MEGF9: variants seen among roughly 807,000 people sequenced by gnomAD.
The protein encoded by MEGF9 is multiple EGF like domains 9, also known as multiple epidermal growth factor-like domains protein 9.
In MEGF9, 6 loss-of-function variants were observed where a neutral mutation model predicts 46.8. The observed-to-expected ratio is 0.13, with a 90% CI of 0.07 to 0.25. The LOEUF is 0.25. Among genes scored for constraint, MEGF9 ranks in the 10% least tolerant of loss-of-function variants. MEGF9 has a pLI of 1.00. For missense variants in MEGF9, 683 were observed against 792.4 expected, an observed-to-expected ratio of 0.86 and a Z score of 1.66; for synonymous variants, 302 against 330.7, an observed-to-expected ratio of 0.91 and a Z score of 0.94.
chr9:120,694,592 A>G (rs1051119248), intron 1 of MEGF9, among the ~76,000 whole-genome samples: 7 of 152,226 alleles, frequency 4.6e-5, no homozygotes, highest in Non-Finnish European at 5.9e-5. Context: ...TTTTTTAAAC[A>G]TAAGTACAAG....
Position 120,713,925 on chromosome 9 carries a change from G to C in MEGF9, c.434C>G (p.Pro145Arg), listed in dbSNP as rs756145316. The C allele has an allele frequency of 1.5e-6, 2 of 1,353,914 alleles. No individual in the cohort carries two copies. The highest frequency in any genetic ancestry group is 9.5e-7 in the Non-Finnish European group (1 of 1,047,842). 83.9% of individuals were successfully genotyped at this position (1,353,914 alleles called of 1,614,324 possible). Residue 145 changes from proline (P) to arginine (R), a missense_variant, in exon 1 of 6, where the codon CCG becomes CGG. By Grantham distance (103) the Pro-to-Arg change is moderately radical. Transcript: ENST00000373930. ...GCCAGTGGTCGTCGAAAGGGTGGTC[G>C]GCGCGGGTCTGGTCGGCGCCTGAGA... ...TTSQAPTRPA[P>R]TTLSTTTGPA...
chr9:120,627,514 G>GT (rs1384070980), intron 2 of MEGF9, among the ~76,000 whole-genome samples: 1 of 152,004 alleles, frequency 6.6e-6, no homozygotes, highest in East Asian at 1.9e-4. Flanking sequence ...GGTTGGAGTG[G>GT]TGCAGTGGCA....
chr9:120,668,367 G>C (rs1010401967), intron 1 of MEGF9, among the ~76,000 whole-genome samples: 1 of 152,162 alleles, frequency 6.6e-6, no homozygotes, highest in African/African-American at 2.4e-5. Context: ...GAGATGTGTA[G>C]TATTAAAGCC....
chr9:120,685,056 G>A (rs886705318), intron 1 of MEGF9, among the ~76,000 whole-genome samples: 16 of 152,084 alleles, frequency 1.1e-4, no homozygotes, highest in Non-Finnish European at 1.5e-4. Context: ...GGATGGTCTC[G>A]ATCTCCTGAC....
chr9:120,635,239 A>T (rs2043568925), intron 2 of MEGF9, among the ~76,000 whole-genome samples: 2 of 152,166 alleles, frequency 1.3e-5, no homozygotes, highest in South Asian at 4.1e-4. Context: ...TGTTGTGTTT[A>T]GAATTCTCTC....
intron 1 of MEGF9, among the ~76,000 whole-genome samples, chr9:120,689,416 C>T (rs77534569): frequency 0.038 from 5,850 of 152,038 alleles, 377 homozygotes; most frequent in African/African-American, 0.13. Context: ...AACTGGATAG[C>T]CATGGAAGAA....
At chr9:120,705,944 T>C (rs1318038146) in intron 1 of MEGF9, among the ~76,000 whole-genome samples, 1 of 151,912 alleles carries the variant, frequency 6.6e-6, no homozygotes, top group Non-Finnish European at 1.5e-5. Flanking sequence ...AAAATCAAGA[T>C]AAAGGAAAAA....
chr9:120,635,247 C>G (rs779463437), intron 2 of MEGF9, among the ~76,000 whole-genome samples: 1 of 152,132 alleles, frequency 6.6e-6, no homozygotes, highest in Non-Finnish European at 1.5e-5. Context: ...TTAGAATTCT[C>G]TCTTTGTATA....
chr9:120,714,424 A>AACCGCC lies in MEGF9; in HGVS notation c.-72_-67dup. 8.3e-7 allele frequency: 1 copy of AACCGCC among 1,207,544 alleles called. No individual in the cohort carries two copies. Among genetic ancestry groups the AACCGCC allele is most frequent in the Non-Finnish European group, 1.0e-6 (1 of 958,656 alleles). 74.8% of individuals were successfully genotyped at this position (1,207,544 alleles called of 1,614,324 possible). ...GCAATCCGACCAAGGAAGCCTCCGC[A>AACCGCC]ACCGCCGCCGCCACCGCCACCGGGC... On this transcript the variant is annotated 5_prime_UTR_variant, in exon 1 of 6. Coordinates refer to ENST00000373930, the MANE Select transcript of MEGF9 (RefSeq NM_001080497.3).
chr9:120,693,366 CAGAA>C (rs1268346415), intron 1 of MEGF9, among the ~76,000 whole-genome samples: 1 of 146,576 alleles, frequency 6.8e-6, no homozygotes, highest in Non-Finnish European at 1.5e-5. Context: ...AATAAGGAAA[CAGAA>C]AGCAACAGCA....
chr9:120,622,784 A>G, intron 2 of MEGF9, 29 bp from the exon 3 acceptor site: 2 of 1,609,698 alleles, frequency 1.2e-6, no homozygotes, highest in Non-Finnish European at 1.7e-6. Context: ...ACAATGAATA[A>G]AAGTAAATCA....
intron 1 of MEGF9, among the ~76,000 whole-genome samples, chr9:120,674,551 C>T (rs569605093): frequency 6.6e-6 from 1 of 152,064 alleles, no homozygotes; most frequent in South Asian, 2.1e-4. Context: ...AATAATTTGA[C>T]AGTTTCTTTC....
intron 1 of MEGF9, among the ~76,000 whole-genome samples, chr9:120,692,672 T>C (rs1246039391): frequency 6.6e-6 from 1 of 152,164 alleles, no homozygotes; most frequent in Non-Finnish European, 1.5e-5. Context: ...TCCACCTTCA[T>C]GTACCTTTTC....
intron 2 of MEGF9, among the ~76,000 whole-genome samples, chr9:120,625,625 G>A (rs1239794955): frequency 1.3e-5 from 2 of 151,984 alleles, no homozygotes; most frequent in African/African-American, 4.8e-5. Flanking sequence ...CACGAGGGCA[G>A]GAGTTCGAGA....
chr9:120,708,556 T>C (rs1029450354), intron 1 of MEGF9, among the ~76,000 whole-genome samples: 1 of 152,252 alleles, frequency 6.6e-6, no homozygotes, highest in Admixed American at 6.5e-5. Flanking sequence ...CCTTGAATCA[T>C]GCAGACCAAA....
intron 5 of MEGF9, among the ~76,000 whole-genome samples, chr9:120,606,368 AT>A (rs1322476424): frequency 1.3e-5 from 2 of 152,210 alleles, no homozygotes; most frequent in Non-Finnish European, 2.9e-5. Flanking sequence ...GTCTGATGGC[AT>A]TTCATAAAGG....
At position 120,607,908 on chromosome 9, in the gene MEGF9, C is replaced by T; in HGVS notation, c.1190G>A (p.Cys397Tyr). ...ENGYYNFDSI[C>Y]RKCQCHGHVD... The stretch of plus-strand genomic sequence containing the variant: ...ATGGCCGTGACATTGGCACTTTCTA[C>T]AGATGCTGTCAAAATTGTAATAGCC... Residue 397 changes from cysteine (C) to tyrosine (Y), a missense_variant, in exon 5 of 6, where the codon TGT becomes TAT. Coordinates refer to ENST00000373930, the MANE Select transcript of MEGF9 (RefSeq NM_001080497.3). The T allele has an allele frequency of 6.2e-7, 1 of 1,614,028 alleles. No individual in the cohort carries two copies. The highest frequency in any genetic ancestry group is 8.5e-7 in the Non-Finnish European group (1 of 1,179,890).
intron 1 of MEGF9, among the ~76,000 whole-genome samples, chr9:120,698,714 C>T (rs1201932704): frequency 6.6e-6 from 1 of 152,194 alleles, no homozygotes; most frequent in Non-Finnish European, 1.5e-5. Context: ...TATGTGCTGA[C>T]TATTAAGCAC....
intron 1 of MEGF9, among the ~76,000 whole-genome samples, chr9:120,661,610 A>C (rs951894155): frequency 1.3e-5 from 2 of 152,258 alleles, no homozygotes; most frequent in Non-Finnish European, 2.9e-5. Context: ...CACAAAACCC[A>C]AAGGAAAATT....
Sources: gnomAD v4.1 joint callset for allele counts (sites outside exome capture counted in the v4.1 genomes callset) on GRCh38, gnomAD v4.1.1 for gene constraint, MANE v1.5 for transcripts, NCBI Gene and HGNC (gene_info 2026-07-23, HGNC 2026-07-21) for gene names.